Variants in SNX25 observed in about 807,000 individuals in gnomAD.
The protein encoded by SNX25 is sorting nexin-25.
SNX25 carries 62 observed loss-of-function variants against 113.7 expected under a neutral mutation model. The ratio of observed to expected loss-of-function variants is 0.55; its 90% CI spans 0.44 to 0.67. The LOEUF (loss-of-function observed/expected upper bound fraction) is 0.67. Among genes scored for constraint, SNX25 ranks in the 30% least tolerant of loss-of-function variants. The pLI, the probability that SNX25 is intolerant of heterozygous loss-of-function variation, is 0.00. For missense variants in SNX25, 1,014 were observed against 1,161.0 expected (o/e 0.87, Z 1.84); for synonymous variants, 421 against 436.2 (o/e 0.97, Z 0.43).
chr4:185,342,688 G>A (rs541065755), intron 12 of SNX25, among the ~76,000 whole-genome samples: 113 of 148,580 alleles, frequency 7.6e-4, no homozygotes, highest in African/African-American at 2.5e-3. Context: ...GCATTAAGGC[G>A]CGGTGCTTGG....
At chr4:185,347,271 C>T (rs1303571167) in intron 13 of SNX25, among the ~76,000 whole-genome samples, 1 of 152,084 alleles carries the variant, frequency 6.6e-6, no homozygotes, top group Non-Finnish European at 1.5e-5. Flanking sequence ...CGGCTGATGC[C>T]CAGAGATTAG....
chr4:185,265,509 C>T (rs1262318384), intron 4 of SNX25, among the ~76,000 whole-genome samples: 2 of 152,146 alleles, frequency 1.3e-5, no homozygotes, highest in African/African-American at 4.8e-5. Flanking sequence ...ATGGAGCTTG[C>T]AGGACTGGAT....
Position 185,353,468 on chromosome 4 carries a change from C to G in SNX25, c.2467-17C>G. 6.3e-7 allele frequency: 1 copy of G among 1,589,398 alleles called. No individual in the cohort carries two copies. Among genetic ancestry groups the G allele is most frequent in the East Asian group, 2.2e-5 (1 of 44,750 alleles). On this transcript the variant is annotated splice_polypyrimidine_tract_variant and intron_variant, in intron 14 of 18. Coordinates refer to ENST00000652585, the MANE Select transcript of SNX25 (RefSeq NM_001378034.2). ...TGGATAAGTTATCTGCTTCCTATGA[C>G]TTTGCTGTATTCCCAGGAGGAGACA...
chr4:185,282,383 G>A lies in SNX25; in HGVS notation c.1092-5629G>A, dbSNP rs1009840933. ...AGAGTTTCACCATGTTGGCCAGGCT[G>A]GTCTTGAACTCCTGACCTCAAGTGA... On this transcript the variant is annotated intron_variant, in intron 5 of 18. Transcript: ENST00000652585. Among the ~76,000 whole-genome samples the A allele has an allele frequency of 5.4e-4, 82 of 152,138 alleles. 1 individual carries two copies. Among genetic ancestry groups the A allele is most frequent in the African/African-American group, 1.9e-3 (79 of 41,498 alleles).
At chr4:185,321,966 A>G (rs996668031) in intron 8 of SNX25, among the ~76,000 whole-genome samples, 3 of 152,240 alleles carry the variant, frequency 2.0e-5, no homozygotes, top group African/African-American at 7.2e-5. Context: ...ATTTTATATC[A>G]GGGACTTGAA....
chr4:185,306,168 A>G (rs532930544), intron 6 of SNX25, among the ~76,000 whole-genome samples: 1 of 152,230 alleles, frequency 6.6e-6, no homozygotes, highest in South Asian at 2.1e-4. Context: ...TAAGGCCACA[A>G]AGAAATGTAT....
chr4:185,216,732 G>A (rs1738914186), intron 1 of SNX25, among the ~76,000 whole-genome samples: 1 of 151,782 alleles, frequency 6.6e-6, no homozygotes, highest in Non-Finnish European at 1.5e-5. Context: ...TGTTAGCCAG[G>A]CTGATCTTGA....
chr4:185,283,430 T>C (rs146020383), intron 5 of SNX25, among the ~76,000 whole-genome samples: 3 of 152,082 alleles, frequency 2.0e-5, no homozygotes, highest in Non-Finnish European at 4.4e-5. Context: ...GAAGGAGAAA[T>C]ATTACTGAGA....
the SNX25 span, chr4:185,375,681 T>C: frequency 6.2e-7 from 1 of 1,612,042 alleles, no homozygotes; most frequent in Non-Finnish European, 8.5e-7. Context: ...TGATGGTCTT[T>C]CTCCTTGATT....
chr4:185,274,733 T>G (rs1749418923), intron 5 of SNX25, among the ~76,000 whole-genome samples: 1 of 152,246 alleles, frequency 6.6e-6, no homozygotes, highest in Non-Finnish European at 1.5e-5. Flanking sequence ...CTATTATGTA[T>G]TAAGCACAGT....
intron 1 of SNX25, among the ~76,000 whole-genome samples, chr4:185,214,408 A>AG (rs1206417586): frequency 6.6e-6 from 1 of 151,260 alleles, no homozygotes; most frequent in African/African-American, 2.4e-5. Flanking sequence ...AAAAAAAAAA[A>AG]AAAAGAAAAA....
At chr4:185,342,733 G>GT (rs1196543486) in intron 12 of SNX25, among the ~76,000 whole-genome samples, 1 of 151,990 alleles carries the variant, frequency 6.6e-6, no homozygotes, top group Non-Finnish European at 1.5e-5. Context: ...AGGCAGTAAG[G>GT]TGCGGTGCTT....
chr4:185,211,450 G>A (rs1019616092), intron 1 of SNX25, among the ~76,000 whole-genome samples: 4 of 152,074 alleles, frequency 2.6e-5, no homozygotes, highest in African/African-American at 7.2e-5. Context: ...AGGAGTTGCG[G>A]AGCAGATATG....
intron 1 of SNX25, among the ~76,000 whole-genome samples, chr4:185,215,515 T>C (rs574536602): frequency 6.6e-6 from 1 of 152,346 alleles, no homozygotes; most frequent in South Asian, 2.1e-4. Flanking sequence ...CTCATTTAGT[T>C]ACTCAAGGGG....
At chr4:185,285,550 G>A (rs1191969035) in intron 5 of SNX25, among the ~76,000 whole-genome samples, 1 of 152,190 alleles carries the variant, frequency 6.6e-6, no homozygotes, top group East Asian at 1.9e-4. Flanking sequence ...GAATTGCTGT[G>A]TGGAAGCACG....
chr4:185,362,079 A>C lies in SNX25; in HGVS notation c.2807A>C (p.Gln936Pro). The C allele has an allele frequency of 6.2e-7, 1 of 1,613,800 alleles. No individual in the cohort carries two copies. The highest frequency in any genetic ancestry group is 8.5e-7 in the Non-Finnish European group (1 of 1,179,760). ...AGTCAGGAAACAAAACAGAGAGCAC[A>C]GCAAAAGCTGCTTGAAAACATTCCA... ...EQSQETKQRAQQKLLENIPDM... is the reference protein window; with the variant it reads ...EQSQETKQRAPQKLLENIPDM... Residue 936 changes from glutamine to proline, a missense_variant, in exon 17 of 19, where the codon CAG becomes CCG. Coordinates refer to ENST00000652585, the MANE Select transcript of SNX25 (RefSeq NM_001378034.2).
At chr4:185,236,068 TC>T (rs1234400008) in intron 1 of SNX25, among the ~76,000 whole-genome samples, 2 of 152,210 alleles carry the variant, frequency 1.3e-5, no homozygotes, top group Non-Finnish European at 2.9e-5. Context: ...AAGGTCGGTT[TC>T]CGGGCAACAT....
intron 6 of SNX25, among the ~76,000 whole-genome samples, chr4:185,299,081 G>A (rs1444861481): frequency 6.6e-6 from 1 of 152,248 alleles, no homozygotes; most frequent in Non-Finnish European, 1.5e-5. Context: ...TGGCACAGAT[G>A]TGTGGGGTGG....
chr4:185,375,616 G>A, the SNX25 span: 103 of 1,592,602 alleles, frequency 6.5e-5, 1 homozygote, highest in African/African-American at 3.7e-4. Flanking sequence ...AACTTACAGC[G>A]TCTAGAGTGG....
Sources: allele counts gnomAD v4.1 joint callset (sites outside exome capture counted in the v4.1 genomes callset), GRCh38; gene constraint gnomAD v4.1.1; transcripts MANE v1.5; gene names NCBI Gene and HGNC (gene_info 2026-07-23, HGNC 2026-07-21).